KCNC2: variants seen among roughly 807,000 people sequenced by gnomAD.
The protein encoded by KCNC2 is voltage-gated potassium channel KCNC2.
KCNC2 carries 21 observed loss-of-function variants against 44.5 expected under a neutral mutation model. That is an observed-to-expected ratio of 0.47 (90% CI 0.33 to 0.68). The LOEUF (loss-of-function observed/expected upper bound fraction) is 0.68. Ranked by LOEUF, KCNC2 falls within the 30% of genes least tolerant of loss-of-function variation. KCNC2 has a pLI of 0.01. For missense variants in KCNC2, 589 were observed against 826.2 expected (o/e 0.71, Z 3.52); for synonymous variants, 391 against 339.1 (o/e 1.15, Z -1.68).
intron 2 of KCNC2, among the ~76,000 whole-genome samples, chr12:75,151,162 A>G (rs538090075): frequency 6.6e-6 from 1 of 152,080 alleles, no homozygotes; most frequent in South Asian, 2.1e-4. Flanking sequence ...TAATAGAAAA[A>G]CCTTGCACAG....
At chr12:75,067,192 C>A (rs966778083) in intron 2 of KCNC2, among the ~76,000 whole-genome samples, 5 of 151,906 alleles carry the variant, frequency 3.3e-5, no homozygotes, top group African/African-American at 1.2e-4. Flanking sequence ...ACAGAGGAAA[C>A]CCTGTCTCAA....
intron 2 of KCNC2, among the ~76,000 whole-genome samples, chr12:75,203,326 A>C (rs1446865826): frequency 1.3e-5 from 2 of 151,868 alleles, no homozygotes; most frequent in Non-Finnish European, 3.0e-5. Context: ...CTAATGCTAG[A>C]AATTAAAATT....
At chr12:75,088,734 A>G (rs372485048) in intron 2 of KCNC2, among the ~76,000 whole-genome samples, 6 of 152,092 alleles carry the variant, frequency 3.9e-5, no homozygotes, top group African/African-American at 1.2e-4. Flanking sequence ...TCAGTTTCCA[A>G]TGGTGTTTTT....
intron 2 of KCNC2, among the ~76,000 whole-genome samples, chr12:75,191,075 G>GA (rs1225824925): frequency 2.6e-5 from 4 of 151,998 alleles, no homozygotes. Context: ...AAGTGTAATG[G>GA]ACTGCAAGAC....
chr12:75,057,753 T>C (rs2136973568), intron 2 of KCNC2, among the ~76,000 whole-genome samples: 2 of 152,016 alleles, frequency 1.3e-5, no homozygotes, highest in East Asian at 3.9e-4. Flanking sequence ...ATAAAGATTG[T>C]TATAGAAATA....
chr12:75,056,154 C>T (rs958963212), intron 2 of KCNC2, among the ~76,000 whole-genome samples: 1 of 151,976 alleles, frequency 6.6e-6, no homozygotes, highest in African/African-American at 2.4e-5. Flanking sequence ...TCTTCAGCCC[C>T]TGTTGTGAAA....
chr12:75,110,524 G>A (rs1887146103), intron 2 of KCNC2, among the ~76,000 whole-genome samples: 1 of 152,108 alleles, frequency 6.6e-6, no homozygotes, highest in Non-Finnish European at 1.5e-5. Flanking sequence ...AGAAAAGTAT[G>A]TAAGAAGGCA....
rs142385545 is a variant in KCNC2 at position 75,182,876 on chromosome 12, G to A, written c.687+24421C>T. On this transcript the variant is annotated intron_variant, in intron 2 of 4. Transcript: ENST00000549446. ...TTACCAAAATTCTGCTATTCCTAGAGCTTTTTCAGTTTTGGAATTGAGGAC... is the reference window on the plus strand; with the variant it reads ...TTACCAAAATTCTGCTATTCCTAGAACTTTTTCAGTTTTGGAATTGAGGAC... 1.2e-3 allele frequency among the ~76,000 whole-genome samples: 183 copies of A among 152,300 alleles called. 2 individuals are homozygous for A. In the South Asian group the frequency reaches 0.021, roughly 17 times the overall value.
chr12:75,102,276 C>T (rs562226305), intron 2 of KCNC2, among the ~76,000 whole-genome samples: 25 of 151,964 alleles, frequency 1.6e-4, no homozygotes, highest in African/African-American at 5.1e-4. Context: ...TTGCACACTA[C>T]GTAAGGACAA....
intron 2 of KCNC2, among the ~76,000 whole-genome samples, chr12:75,204,133 G>A (rs2031501495): frequency 1.3e-5 from 2 of 151,720 alleles, no homozygotes; most frequent in East Asian, 3.9e-4. Context: ...AGGTTTCCAT[G>A]ACAACTTATA....
chr12:75,100,715 G>A (rs780883511), intron 2 of KCNC2, among the ~76,000 whole-genome samples: 9 of 152,006 alleles, frequency 5.9e-5, no homozygotes, highest in Non-Finnish European at 1.0e-4. Flanking sequence ...GGTTAAGGAA[G>A]AGTAAACTCA....
chr12:75,139,714 T>C (rs1889502296), intron 2 of KCNC2, among the ~76,000 whole-genome samples: 1 of 152,242 alleles, frequency 6.6e-6, no homozygotes, highest in South Asian at 2.1e-4. Flanking sequence ...AAAATAATAG[T>C]TGACTTTGAA....
At chr12:75,089,450 A>C (rs1885293485) in intron 2 of KCNC2, among the ~76,000 whole-genome samples, 1 of 151,886 alleles carries the variant, frequency 6.6e-6, no homozygotes, top group African/African-American at 2.4e-5. Context: ...CTTCTTTGAA[A>C]GATTATCTTG....
At chr12:75,098,092 G>C (rs1354067334) in intron 2 of KCNC2, among the ~76,000 whole-genome samples, 1 of 151,888 alleles carries the variant, frequency 6.6e-6, no homozygotes, top group Non-Finnish European at 1.5e-5. Context: ...TGAATTTATA[G>C]CAATAAGTCT....
chr12:75,095,718 C>T (rs1885864833), intron 2 of KCNC2, among the ~76,000 whole-genome samples: 1 of 151,810 alleles, frequency 6.6e-6, no homozygotes, highest in Non-Finnish European at 1.5e-5. Context: ...TATCTAAAGC[C>T]ACCTAATACG....
chr12:75,162,744 C>T (rs1891201464), intron 2 of KCNC2, among the ~76,000 whole-genome samples: 2 of 151,636 alleles, frequency 1.3e-5, no homozygotes, highest in African/African-American at 4.8e-5. Context: ...TCTATTTTTC[C>T]CTTTCTTGTG....
At chr12:75,143,629 T>G (rs1313483030) in intron 2 of KCNC2, among the ~76,000 whole-genome samples, 2 of 152,090 alleles carry the variant, frequency 1.3e-5, no homozygotes, top group East Asian at 3.9e-4. Flanking sequence ...ATCAAAAAGG[T>G]TCTAATAGAA....
chr12:75,071,003 C>G (rs1013021524), intron 2 of KCNC2, among the ~76,000 whole-genome samples: 26 of 151,742 alleles, frequency 1.7e-4, no homozygotes, highest in African/African-American at 6.0e-4. Flanking sequence ...TTTTATTTTT[C>G]TCATTATTTT....
At chr12:75,172,084 G>C (rs192880075) in intron 2 of KCNC2, among the ~76,000 whole-genome samples, 1 of 151,778 alleles carries the variant, frequency 6.6e-6, no homozygotes, top group African/African-American at 2.4e-5. Flanking sequence ...ATGTCACATT[G>C]CTCAAATGAA....
Sources: gnomAD v4.1 joint callset for allele counts (sites outside exome capture counted in the v4.1 genomes callset) on GRCh38, gnomAD v4.1.1 for gene constraint, MANE v1.5 for transcripts, NCBI Gene and HGNC (gene_info 2026-07-23, HGNC 2026-07-21) for gene names.